Variants in PRKN observed in about 807,000 individuals in gnomAD.
PRKN encodes parkin RBR E3 ubiquitin protein ligase.
A neutral mutation model predicts 59.5 loss-of-function variants in PRKN; 56 were observed. The observed-to-expected ratio is 0.94, with a 90% CI of 0.76 to 1.18. The LOEUF (loss-of-function observed/expected upper bound fraction) is 1.18. Ranked by LOEUF, PRKN falls within the 50% of genes most tolerant of loss-of-function variation. The probability of loss-of-function intolerance (pLI) is 0.00; values close to 1 mark genes in which losing one functional copy is unlikely to be tolerated. For synonymous variants in PRKN, 250 were observed against 222.1 expected (o/e 1.13, Z -1.12); for missense variants, 657 against 596.4 (o/e 1.10, Z -1.06).
intron 6 of PRKN, among the ~76,000 whole-genome samples, chr6:161,876,894 C>A (rs891214033): frequency 1.4e-4 from 21 of 152,050 alleles, no homozygotes; most frequent in African/African-American, 4.8e-4. Flanking sequence ...CTTTCATATT[C>A]AATTCAAAAT....
intron 7 of PRKN, among the ~76,000 whole-genome samples, chr6:161,701,615 CCAGA>C (rs1189974732): frequency 5.9e-5 from 9 of 152,002 alleles, no homozygotes; most frequent in Admixed American, 3.9e-4. Context: ...ATAATCAATG[CCAGA>C]CAATCAATTA....
At chr6:162,063,008 TCTCA>T (rs537232326) in intron 4 of PRKN, among the ~76,000 whole-genome samples, 112 of 152,186 alleles carry the variant, frequency 7.4e-4, no homozygotes, top group Non-Finnish European at 1.3e-3. Flanking sequence ...AATATAAATA[TCTCA>T]CTCAATACAG....
intron 9 of PRKN, among the ~76,000 whole-genome samples, chr6:161,500,881 T>TC (rs1554268185): frequency 2.0e-5 from 3 of 147,708 alleles, no homozygotes; most frequent in Admixed American, 6.7e-5. Context: ...TTTTTCTTTT[T>TC]TTTTTTTTTT....
intron 7 of PRKN, among the ~76,000 whole-genome samples, chr6:161,735,597 C>A (rs1787931400): frequency 6.6e-6 from 1 of 152,094 alleles, no homozygotes; most frequent in Non-Finnish European, 1.5e-5. Flanking sequence ...GCCTGTGTTG[C>A]TCAAGGATCA....
intron 4 of PRKN, among the ~76,000 whole-genome samples, chr6:162,131,282 C>G (rs6455799): frequency 0.11 from 15,996 of 152,192 alleles, 1,050 homozygotes; most frequent in African/African-American, 0.18. Flanking sequence ...AAGTGAGAAA[C>G]TTTTCACAGG....
intron 1 of PRKN, among the ~76,000 whole-genome samples, chr6:162,530,224 C>T (rs1778456374): frequency 1.3e-5 from 2 of 151,822 alleles, no homozygotes; most frequent in African/African-American, 4.8e-5. Context: ...ATGGATTTGC[C>T]TGGAAATGGA....
At chr6:162,319,761 T>C (rs557605587) in intron 2 of PRKN, among the ~76,000 whole-genome samples, 3 of 152,058 alleles carry the variant, frequency 2.0e-5, no homozygotes, top group South Asian at 2.1e-4. Context: ...GAGAGACAAA[T>C]TGCAAGATAT....
chr6:161,662,240 G>A lies in PRKN; in HGVS notation c.872-92824C>T, dbSNP rs113990259. Among the ~76,000 whole-genome samples the A allele has an allele frequency of 1.1e-4, 17 of 152,194 alleles. No individual in the cohort carries two copies. In the South Asian group the frequency reaches 1.9e-3, roughly 17 times the overall value. ...TTCTAAGAGGAATGTGCTATTTTGCGATGAGATTTAGCCTGACTGCACTCT... is the reference window on the plus strand; with the variant it reads ...TTCTAAGAGGAATGTGCTATTTTGCAATGAGATTTAGCCTGACTGCACTCT... On this transcript the variant is annotated intron_variant, in intron 7 of 11. Coordinates refer to ENST00000366898, the MANE Select transcript of PRKN (RefSeq NM_004562.3).
intron 5 of PRKN, among the ~76,000 whole-genome samples, chr6:162,047,522 C>G (rs535460296): frequency 4.9e-4 from 75 of 151,868 alleles, no homozygotes; most frequent in African/African-American, 1.7e-3. Flanking sequence ...GCAAACCAAC[C>G]TTTTATTGTT....
At chr6:162,421,690 G>A (rs7746087) in intron 2 of PRKN, among the ~76,000 whole-genome samples, 78,248 of 151,876 alleles carry the variant, frequency 0.52, 20,521 homozygotes, top group East Asian at 0.69. Flanking sequence ...GAAGAACAAC[G>A]CATTACAGGA....
At chr6:162,150,273 A>T (rs188935706) in intron 4 of PRKN, among the ~76,000 whole-genome samples, 15 of 152,334 alleles carry the variant, frequency 9.8e-5, no homozygotes, top group African/African-American at 3.4e-4. Flanking sequence ...TGTAATGGAC[A>T]TATGTATCCT....
intron 7 of PRKN, among the ~76,000 whole-genome samples, chr6:161,636,009 C>CATCCTGCA (rs1437591514): frequency 6.6e-6 from 1 of 152,220 alleles, no homozygotes; most frequent in Non-Finnish European, 1.5e-5. Flanking sequence ...TCAACCCTGA[C>CATCCTGCA]ACCCTGCAAC....
chr6:161,439,346 CT>C (rs1449953839), intron 9 of PRKN, among the ~76,000 whole-genome samples: 2 of 152,140 alleles, frequency 1.3e-5, no homozygotes, highest in Non-Finnish European at 2.9e-5. Context: ...GGGAGCACTC[CT>C]AGCAGGCACA....
chr6:162,603,117 T>C (rs1255971390), intron 1 of PRKN, among the ~76,000 whole-genome samples: 8 of 152,214 alleles, frequency 5.3e-5, no homozygotes, highest in African/African-American at 1.7e-4. Flanking sequence ...GAATGAATTG[T>C]GTATAACTCA....
chr6:162,553,473 G>A (rs1779411938), intron 1 of PRKN, among the ~76,000 whole-genome samples: 1 of 149,094 alleles, frequency 6.7e-6, no homozygotes, highest in Admixed American at 6.8e-5. Context: ...ACCGGGTACT[G>A]ACAAGGAGGG....
rs1785540872 is a variant in PRKN at position 161,373,837 on chromosome 6, G to A, written c.1167+12957C>T. ...TTAATGAAGGAATTATGGGGGCCAGGATCCAGCTGTTAGCTTTTCAAATCT... is the reference window on the plus strand; with the variant it reads ...TTAATGAAGGAATTATGGGGGCCAGAATCCAGCTGTTAGCTTTTCAAATCT... On this transcript the variant is annotated intron_variant, in intron 10 of 11. Coordinates refer to ENST00000366898, the MANE Select transcript of PRKN (RefSeq NM_004562.3). The surrounding 1 kb of genome is among the most constrained non-coding windows in gnomAD (Gnocchi z 4.8). 6.6e-6 allele frequency among the ~76,000 whole-genome samples: 1 copy of A among 152,122 alleles called. No individual in the cohort carries two copies. The highest frequency in any genetic ancestry group is 2.1e-4 in the South Asian group (1 of 4,828).
At chr6:162,649,567 T>A (rs1158438230) in intron 1 of PRKN, among the ~76,000 whole-genome samples, 1 of 151,978 alleles carries the variant, frequency 6.6e-6, no homozygotes, top group Non-Finnish European at 1.5e-5. Flanking sequence ...ACTTGTAGAT[T>A]CAGAGAGATT....
intron 2 of PRKN, among the ~76,000 whole-genome samples, chr6:162,271,853 A>C (rs1408750957): frequency 2.6e-5 from 4 of 152,214 alleles, no homozygotes; most frequent in Admixed American, 1.3e-4. Context: ...AATATTTGTG[A>C]TTTAGCCTTT....
chr6:162,312,171 C>T (rs1486422437), intron 2 of PRKN, among the ~76,000 whole-genome samples: 1 of 152,102 alleles, frequency 6.6e-6, no homozygotes, highest in East Asian at 1.9e-4. Context: ...TGCTCCCCTG[C>T]CAGAGCAGGT....
Sources: gnomAD v4.1 joint callset for allele counts (sites outside exome capture counted in the v4.1 genomes callset) on GRCh38, gnomAD v4.1.1 for gene constraint, Gnocchi (gnomAD v3.1) non-coding constraint, MANE v1.5 for transcripts, NCBI Gene and HGNC (gene_info 2026-07-23, HGNC 2026-07-21) for gene names.